Variants in PHF19 observed in about 807,000 individuals in gnomAD.
The protein encoded by PHF19 is polycomb like 3.
A neutral mutation model predicts 79.8 loss-of-function variants in PHF19; 21 were observed. The observed-to-expected ratio is 0.26, with a 90% CI of 0.19 to 0.38. The LOEUF (loss-of-function observed/expected upper bound fraction) is 0.38. PHF19 is among the 10% of genes least tolerant of loss of function. The pLI, the probability that PHF19 is intolerant of heterozygous loss-of-function variation, is 1.00. For synonymous variants in PHF19, 273 were observed against 296.3 expected, an observed-to-expected ratio of 0.92 and a Z score of 0.81; for missense variants, 445 against 744.2, an observed-to-expected ratio of 0.60 and a Z score of 4.68.
chr9:120,874,706 G>T lies in PHF19; in HGVS notation c.36C>A (p.Asp12Glu). 6.2e-7 allele frequency: 1 copy of T among 1,613,714 alleles called. No homozygotes were observed. ...ENRALDPGTR[D>E]SYGATSHLPN... ...GGAGGTGGCTGGTGGCACCATAGGA[G>T]TCCCGAGTCCCTGGATCCAGAGCTC... The change falls in exon 2 of 15, where the codon GAC becomes GAA. Residue 12 changes from aspartate (D) to glutamate (E), a missense_variant. Physicochemically the swap from Asp to Glu is conservative, Grantham distance 45 (BLOSUM62 2). Transcript: ENST00000373896. This position sits in a 1 kb window ranked among gnomAD's most constrained non-coding sequence, Gnocchi z 4.5.
At chr9:120,880,613 A>C (rs2046165368), upstream of PHF19, among the ~76,000 whole-genome samples, 1 of 152,240 alleles carries the variant, frequency 6.6e-6, no homozygotes, top group Non-Finnish European at 1.5e-5. Context: ...TAGGAAAAAA[A>C]CTAACATCAA....
upstream of PHF19, among the ~76,000 whole-genome samples, chr9:120,879,052 ACTTC>A (rs1403071893): frequency 1.0e-4 from 9 of 86,604 alleles, no homozygotes; most frequent in Non-Finnish European, 2.0e-4. Flanking sequence ...TGAGTGTGTC[ACTTC>A]TTTCTTTCTT....
chr9:120,901,210 T>C, the PHF19 span, among the ~76,000 whole-genome samples: 1 of 152,112 alleles, frequency 6.6e-6, no homozygotes, highest in African/African-American at 2.4e-5. Flanking sequence ...TTTTGTTGTT[T>C]GAGACAGAGT....
At chr9:120,898,546 T>C (rs1317621977), upstream of PHF19, among the ~76,000 whole-genome samples, 1 of 152,282 alleles carries the variant, frequency 6.6e-6, no homozygotes, top group Non-Finnish European at 1.5e-5. Flanking sequence ...TTATCATGGC[T>C]ATTTAAACAA....
chr9:120,883,391 C>T (rs879432643), intron 1 of PHF19, among the ~76,000 whole-genome samples: 1 of 152,200 alleles, frequency 6.6e-6, no homozygotes, highest in Non-Finnish European at 1.5e-5. Flanking sequence ...GCGAACCATG[C>T]TGTAGGCAGG....
At chr9:120,875,500 T>G (rs982262867) in intron 1 of PHF19, among the ~76,000 whole-genome samples, 1 of 152,196 alleles carries the variant, frequency 6.6e-6, no homozygotes, top group Non-Finnish European at 1.5e-5. Context: ...ACTGCCTTCA[T>G]GCATCTCAAA....
chr9:120,865,857 C>A (rs1021886715), intron 8 of PHF19, 27 bp from the exon 9 acceptor site: 8 of 1,613,874 alleles, frequency 5.0e-6, no homozygotes, highest in Non-Finnish European at 5.9e-6. Flanking sequence ...GGAGGTGGGA[C>A]CAGGTGAGGT....
upstream of PHF19, among the ~76,000 whole-genome samples, chr9:120,881,750 C>T (rs1277672736): frequency 1.3e-5 from 2 of 152,046 alleles, no homozygotes; most frequent in Non-Finnish European, 2.9e-5. Flanking sequence ...TGGGACTGAT[C>T]ACCCTTCTTA....
intron 3 of PHF19, among the ~76,000 whole-genome samples, chr9:120,873,229 C>A (rs1234648289): frequency 6.6e-6 from 1 of 152,194 alleles, no homozygotes; most frequent in Non-Finnish European, 1.5e-5. Context: ...CTTATGCCAA[C>A]TCTGATTGAC....
chr9:120,865,891 C>T, intron 8 of PHF19, 61 bp from the exon 9 acceptor site: 1 of 1,611,930 alleles, frequency 6.2e-7, no homozygotes, highest in South Asian at 1.1e-5. Context: ...GCCAGGGTCA[C>T]AGCTTTCTGG....
In PHF19 at chr9:120,894,757, C is replaced by G. The variant is rs1035591896; in HGVS notation, c.42+31G>C. 7 of 1,205,642 alleles carry G rather than the reference C, an allele frequency of 5.8e-6. No homozygotes were observed. The African/African-American group carries it at 9.4e-5, about 16-fold the overall frequency. 74.7% of individuals were successfully genotyped at this position (1,205,642 alleles called of 1,614,324 possible). ...GCGGCTCCCCAGCCTCGCGCCCGCC[C>G]CGCGGGTTCTTGTCGATCTCCCGGA... is the stretch of plus-strand genomic sequence containing the variant. On this transcript the variant is annotated intron_variant, in intron 1 of 14. Transcript: ENST00000616568.
At chr9:120,887,742 A>T (rs536961369) in intron 1 of PHF19, among the ~76,000 whole-genome samples, 23 of 152,238 alleles carry the variant, frequency 1.5e-4, no homozygotes, top group Middle Eastern at 6.8e-3. Flanking sequence ...CAAAAGCTAT[A>T]TGCATTCAGT....
upstream of PHF19, among the ~76,000 whole-genome samples, chr9:120,879,716 A>G (rs2046151133): frequency 6.6e-6 from 1 of 152,238 alleles, no homozygotes; most frequent in Non-Finnish European, 1.5e-5. Context: ...TTGAGGAAAG[A>G]GAACAAGTTT....
intron 6 of PHF19, chr9:120,868,969 C>A (rs539147117): frequency 2.8e-5 from 9 of 323,868 alleles, no homozygotes; most frequent in Non-Finnish European, 3.5e-5. Flanking sequence ...GCTGACCCCC[C>A]CCTCCCCGAG....
chr9:120,874,724 C>A lies in PHF19; in HGVS notation c.18G>T (p.Leu6=). The A allele has an allele frequency of 6.2e-7, 1 of 1,613,520 alleles. No homozygotes were observed. Among genetic ancestry groups the A allele is most frequent in the Non-Finnish European group, 8.5e-7 (1 of 1,179,548 alleles). Residue 6 remains leucine (L), a synonymous_variant, in exon 2 of 15, where the codon CTG becomes CTT. Coordinates refer to ENST00000373896, the MANE Select transcript of PHF19 (RefSeq NM_015651.3). This position sits in a 1 kb window ranked among gnomAD's most constrained non-coding sequence, Gnocchi z 4.5. ...CATAGGAGTCCCGAGTCCCTGGATCCAGAGCTCGATTCTCCATCAGCTTCC... is the reference window on the plus strand; with the variant it reads ...CATAGGAGTCCCGAGTCCCTGGATCAAGAGCTCGATTCTCCATCAGCTTCC... MENRA[L]DPGTRDSYGA...
rs1227749446 is a variant in PHF19 at position 120,860,393 on chromosome 9, C to G, written c.1305-208G>C. 1 of 549,584 alleles carries G rather than the reference C, an allele frequency of 1.8e-6. No homozygotes were observed. Among genetic ancestry groups the G allele is most frequent in the Non-Finnish European group, 3.3e-6 (1 of 303,898 alleles). The allele number at this position is 549,584 out of a possible 1,614,324, so 34.0% of individuals were successfully genotyped here. A position where few individuals can be genotyped will look rare whatever the true frequency, so the allele number is the denominator to read the frequency against. On this transcript the variant is annotated intron_variant, in intron 13 of 14. Transcript: ENST00000373896. This position sits in a 1 kb window ranked among gnomAD's most constrained non-coding sequence, Gnocchi z 4.1. ...CAAAAAAACCTCCTGGAGCACCCTC[C>G]CCTGGCGGTGACGTAAGCACTGGTG...
At chr9:120,877,613 C>T (rs1036710018), upstream of PHF19, among the ~76,000 whole-genome samples, 17 of 152,184 alleles carry the variant, frequency 1.1e-4, no homozygotes, top group Non-Finnish European at 1.6e-4. Flanking sequence ...CAGGCACCGG[C>T]GGACCCTGGC....
Position 120,869,045 on chromosome 9 carries a change from A to G in PHF19, c.614+137T>C, listed in dbSNP as rs926757834. 4.6e-6 allele frequency: 2 copies of G among 430,566 alleles called. No homozygotes were observed. Among genetic ancestry groups the G allele is most frequent in the Non-Finnish European group, 5.5e-6 (2 of 363,420 alleles). The allele number at this position is 430,566 out of a possible 1,614,324, so 26.7% of individuals were successfully genotyped here. A position where few individuals can be genotyped will look rare whatever the true frequency, so the allele number is the denominator to read the frequency against. On this transcript the variant is annotated intron_variant, in intron 6 of 14. Coordinates refer to ENST00000373896, the MANE Select transcript of PHF19 (RefSeq NM_015651.3). This position sits in a 1 kb window ranked among gnomAD's most constrained non-coding sequence, Gnocchi z 5.8. ...GCCCGCCCCTCGAGGCCCCGCCCCC[A>G]CAGCGCAACACACTGGGCCCGCCCT...
chr9:120,884,053 A>G (rs1343083347), intron 1 of PHF19, among the ~76,000 whole-genome samples: 2 of 152,178 alleles, frequency 1.3e-5, no homozygotes, highest in South Asian at 2.1e-4. Flanking sequence ...AGAACAAATG[A>G]GTTGCTCCCA....
Sources: gnomAD v4.1 joint callset for allele counts (sites outside exome capture counted in the v4.1 genomes callset) on GRCh38, gnomAD v4.1.1 for gene constraint, Gnocchi (gnomAD v3.1) non-coding constraint, MANE v1.5 for transcripts, NCBI Gene and HGNC (gene_info 2026-07-23, HGNC 2026-07-21) for gene names.